Variants in UQCC1 observed in about 807,000 individuals in gnomAD.
UQCC1 encodes bFGF-repressed Zic-binding protein.
A neutral mutation model predicts 48.0 loss-of-function variants in UQCC1; 38 were observed. The observed-to-expected ratio is 0.79, with a 90% CI of 0.61 to 1.04. The LOEUF (loss-of-function observed/expected upper bound fraction) is 1.04, where lower values mean the gene tolerates loss of function less well. UQCC1 is among the 50% of genes least tolerant of loss of function. UQCC1 has a pLI of 0.00. For missense variants in UQCC1, 368 were observed against 381.8 expected, an observed-to-expected ratio of 0.96 and a Z score of 0.30; for synonymous variants, 111 against 129.2, an observed-to-expected ratio of 0.86 and a Z score of 0.95.
intron 2 of UQCC1, among the ~76,000 whole-genome samples, chr20:35,385,105 A>G (rs1403549266): frequency 1.3e-5 from 2 of 152,190 alleles, no homozygotes; most frequent in Non-Finnish European, 2.9e-5. Flanking sequence ...GAAAAAAATA[A>G]AGACACCAGC....
In UQCC1 at chr20:35,399,810, A is replaced by G. The variant is rs1269580130; in HGVS notation, c.25-5614T>C. ...GAGACAGAGATTACAGTGAGCCAAA[A>G]TCAGGCCACTGCACTCCAGCCTGCG... On this transcript the variant is annotated intron_variant, in intron 1 of 9. Coordinates refer to ENST00000374385, the MANE Select transcript of UQCC1 (RefSeq NM_018244.5). Among the ~76,000 whole-genome samples the G allele has an allele frequency of 3.4e-5, 5 of 148,956 alleles. No individual in the cohort carries two copies. In the Admixed American group the frequency reaches 3.4e-4, roughly 10 times the overall value.
At chr20:35,329,981 T>G (rs2061239036) in intron 7 of UQCC1, among the ~76,000 whole-genome samples, 1 of 152,230 alleles carries the variant, frequency 6.6e-6, no homozygotes, top group South Asian at 2.1e-4. Context: ...TCAGGTAAAC[T>G]GCAGTGTAAG....
chr20:35,321,370 A>C (rs2061127448), intron 7 of UQCC1, among the ~76,000 whole-genome samples: 1 of 152,184 alleles, frequency 6.6e-6, no homozygotes, highest in Non-Finnish European at 1.5e-5. Context: ...AAAGAAAAAT[A>C]TTTTAAATGA....
intron 7 of UQCC1, among the ~76,000 whole-genome samples, chr20:35,340,397 T>C (rs1490331380): frequency 1.3e-5 from 2 of 152,202 alleles, no homozygotes. Context: ...GACTATCCAC[T>C]CCAACAGCTC....
At chr20:35,306,541 A>G in intron 9 of UQCC1, 125 bp downstream of exon 9, 1 of 726,568 alleles carries the variant, frequency 1.4e-6, no homozygotes, top group East Asian at 2.6e-5. Flanking sequence ...TCTAGTGCTG[A>G]TGTGATCTGG....
intron 2 of UQCC1, among the ~76,000 whole-genome samples, chr20:35,392,976 A>C (rs1450971744): frequency 6.6e-6 from 1 of 152,136 alleles, no homozygotes; most frequent in Non-Finnish European, 1.5e-5. Context: ...CACAAACTGA[A>C]AAACAACTGA....
chr20:35,326,636 T>A (rs924383349), intron 7 of UQCC1, among the ~76,000 whole-genome samples: 1 of 152,184 alleles, frequency 6.6e-6, no homozygotes, highest in Non-Finnish European at 1.5e-5. Flanking sequence ...GCATTCTGAC[T>A]GCAGCCATGA....
intron 6 of UQCC1, among the ~76,000 whole-genome samples, chr20:35,356,137 C>T (rs951607683): frequency 6.6e-5 from 10 of 152,332 alleles, no homozygotes; most frequent in African/African-American, 2.4e-4. Flanking sequence ...GATCCTCCTG[C>T]CTTGGCCTCC....
At chr20:35,381,792 G>A in intron 4 of UQCC1, 126 bp downstream of exon 4, 3 of 671,588 alleles carry the variant, frequency 4.5e-6, no homozygotes, top group Non-Finnish European at 7.9e-6. Flanking sequence ...GTCGCAGCTA[G>A]ATCGTCCTCA....
chr20:35,365,439 G>A (rs569300505), intron 6 of UQCC1, among the ~76,000 whole-genome samples: 1 of 152,206 alleles, frequency 6.6e-6, no homozygotes, highest in South Asian at 2.1e-4. Flanking sequence ...TGGATCACTT[G>A]AGGTCAGGAG....
intron 5 of UQCC1, among the ~76,000 whole-genome samples, chr20:35,370,580 T>C (rs2061719487): frequency 6.6e-6 from 1 of 152,168 alleles, no homozygotes; most frequent in South Asian, 2.1e-4. Context: ...AAAATGAACA[T>C]GCTATAGGTC....
At chr20:35,314,347 A>G (rs2061032222) in intron 8 of UQCC1, among the ~76,000 whole-genome samples, 2 of 151,592 alleles carry the variant, frequency 1.3e-5, no homozygotes, top group African/African-American at 4.9e-5. Context: ...CATGCTGTTT[A>G]CGTGAATATC....
At chr20:35,410,704 CA>C (rs1183843739) in intron 1 of UQCC1, among the ~76,000 whole-genome samples, 6 of 2,710 alleles carry the variant, frequency 2.2e-3, no homozygotes, top group South Asian at 0.029. Context: ...GACTCTGCCT[CA>C]AAAAAAAAAA....
chr20:35,316,731 C>T (rs539902632), intron 7 of UQCC1, among the ~76,000 whole-genome samples: 36 of 152,194 alleles, frequency 2.4e-4, no homozygotes, highest in Middle Eastern at 3.4e-3. Context: ...CTCCGCCTCC[C>T]GGGTTCACAG....
rs530320582 is a variant in UQCC1, at chr20:35,306,758, C to G, written c.673G>C (p.Gly225Arg). 1 of 1,614,068 alleles carries G rather than the reference C, an allele frequency of 6.2e-7. No homozygotes were observed. The highest frequency in any genetic ancestry group is 1.3e-5 in the African/African-American group (1 of 75,040). Residue 225 changes from glycine (G) to arginine (R), a missense_variant, in exon 9 of 10, where the codon GGG (glycine) becomes CGG (arginine). Transcript: ENST00000374385. Reference sequence around the variant, plus strand: ...GTTCTCCAGAGGGCAGCGGCCAGCCCATGATCATCTGAAAGGATCCCCTGG... The same window carrying G: ...GTTCTCCAGAGGGCAGCGGCCAGCCGATGATCATCTGAAAGGATCCCCTGG... ...YDEGILSDDH[G>R]LAAALWRTFF...
At chr20:35,389,568 AAAAAG>A (rs963444851) in intron 2 of UQCC1, among the ~76,000 whole-genome samples, 16 of 152,326 alleles carry the variant, frequency 1.1e-4, no homozygotes, top group African/African-American at 2.4e-4. Context: ...GTCTCAAAAA[AAAAAG>A]AAAAGAAAAG....
At chr20:35,388,671 G>A (rs6088815) in intron 2 of UQCC1, among the ~76,000 whole-genome samples, 2 of 152,030 alleles carry the variant, frequency 1.3e-5, no homozygotes, top group South Asian at 2.1e-4. Context: ...TGTTCTGTCC[G>A]CTATATCAAG....
chr20:35,403,935 T>C (rs1290600229), intron 1 of UQCC1, among the ~76,000 whole-genome samples: 1 of 151,942 alleles, frequency 6.6e-6, no homozygotes, highest in African/African-American at 2.4e-5. Context: ...CGGGGAGGGA[T>C]AGCATTAAGA....
intron 9 of UQCC1, among the ~76,000 whole-genome samples, chr20:35,305,815 C>T (rs1028302623): frequency 1.3e-5 from 2 of 152,204 alleles, no homozygotes; most frequent in African/African-American, 4.8e-5. Flanking sequence ...CCCTTCAGCT[C>T]CAGGGGCCAG....
Sources: allele counts gnomAD v4.1 joint callset (sites outside exome capture counted in the v4.1 genomes callset), GRCh38; gene constraint gnomAD v4.1.1; transcripts MANE v1.5; gene names NCBI Gene and HGNC (gene_info 2026-07-23, HGNC 2026-07-21).